Variants in ANKS1B observed in about 807,000 individuals in gnomAD.
ANKS1B encodes ankyrin repeat and sterile alpha motif domain-containing protein 1B.
ANKS1B carries 36 observed loss-of-function variants against 148.3 expected under a neutral mutation model. The observed-to-expected ratio is 0.24, with a 90% CI of 0.19 to 0.32. ANKS1B has a LOEUF of 0.32. ANKS1B is among the 10% of genes least tolerant of loss of function. ANKS1B has a pLI of 1.00. For synonymous variants in ANKS1B, 542 were observed against 560.8 expected (o/e 0.97, Z 0.47); for missense variants, 1,157 against 1,542.6 (o/e 0.75, Z 4.19).
At chr12:99,383,490 TTGACCATATCA>T (rs1444391649) in intron 12 of ANKS1B, among the ~76,000 whole-genome samples, 1 of 152,248 alleles carries the variant, frequency 6.6e-6, no homozygotes, top group Non-Finnish European at 1.5e-5. Context: ...TTTCAGTTCC[TTGACCATATCA>T]TGTTCTCACT....
intron 15 of ANKS1B, among the ~76,000 whole-genome samples, chr12:99,130,555 T>C (rs2065805260): frequency 6.6e-6 from 1 of 152,166 alleles, no homozygotes; most frequent in South Asian, 2.1e-4. Context: ...TATAGCCACA[T>C]CAGCTAATAA....
intron 1 of ANKS1B, among the ~76,000 whole-genome samples, chr12:99,916,207 C>T (rs1034632102): frequency 4.6e-5 from 7 of 152,114 alleles, no homozygotes; most frequent in Non-Finnish European, 4.4e-5. Flanking sequence ...TCCTCTTGAG[C>T]GAAAGAGCTA....
intron 8 of ANKS1B, among the ~76,000 whole-genome samples, chr12:99,698,412 T>C (rs2054259588): frequency 6.6e-6 from 1 of 152,026 alleles, no homozygotes; most frequent in South Asian, 2.1e-4. Context: ...TGCATGTGTG[T>C]TGCACAAGCA....
chr12:99,500,311 G>C (rs972199324), intron 10 of ANKS1B, among the ~76,000 whole-genome samples: 2 of 152,096 alleles, frequency 1.3e-5, no homozygotes, highest in African/African-American at 2.4e-5. Context: ...TTAGTTCTTT[G>C]GGGATGCTTG....
chr12:99,474,810 T>C (rs572492903), intron 10 of ANKS1B, among the ~76,000 whole-genome samples: 1 of 152,126 alleles, frequency 6.6e-6, no homozygotes, highest in South Asian at 2.1e-4. Flanking sequence ...TTGCCATTTG[T>C]TCAACATTGT....
intron 14 of ANKS1B, among the ~76,000 whole-genome samples, chr12:99,179,993 T>C (rs1021399250): frequency 9.9e-5 from 15 of 152,206 alleles, no homozygotes; most frequent in Admixed American, 9.2e-4. Context: ...TTCCTCCTTG[T>C]TATGAGAATG....
At chr12:98,986,081 C>A (rs1264269059) in intron 17 of ANKS1B, among the ~76,000 whole-genome samples, 1 of 152,090 alleles carries the variant, frequency 6.6e-6, no homozygotes, top group Non-Finnish European at 1.5e-5. Flanking sequence ...TTATTTTTAA[C>A]AAGAAGTTTG....
chr12:99,623,755 T>C (rs1043674588), intron 9 of ANKS1B, among the ~76,000 whole-genome samples: 3 of 151,868 alleles, frequency 2.0e-5, no homozygotes, highest in Non-Finnish European at 4.4e-5. Context: ...AAATCATAGA[T>C]GACACAAACA....
At chr12:99,365,413 C>G (rs2092711830) in intron 12 of ANKS1B, among the ~76,000 whole-genome samples, 1 of 152,164 alleles carries the variant, frequency 6.6e-6, no homozygotes, top group South Asian at 2.1e-4. Context: ...CAGGAGGGAT[C>G]CACTAGCCAG....
At chr12:98,884,748 G>A (rs922563587) in intron 17 of ANKS1B, among the ~76,000 whole-genome samples, 3 of 147,684 alleles carry the variant, frequency 2.0e-5, no homozygotes, top group African/African-American at 7.6e-5. Context: ...GCAGTGAGCT[G>A]AGATTGCGCC....
chr12:98,781,674 T>G (rs2098738176), intron 23 of ANKS1B, among the ~76,000 whole-genome samples: 1 of 152,166 alleles, frequency 6.6e-6, no homozygotes, highest in African/African-American at 2.4e-5. Flanking sequence ...CAGATAATGC[T>G]TGGATGTATA....
chr12:98,897,587 G>A (rs749453030), intron 17 of ANKS1B, among the ~76,000 whole-genome samples: 2 of 152,166 alleles, frequency 1.3e-5, no homozygotes, highest in African/African-American at 2.4e-5. Context: ...TGAGGTTGCC[G>A]AGAAAAGGGA....
At chr12:99,576,813 GTA>G (rs1281455067) in intron 9 of ANKS1B, among the ~76,000 whole-genome samples, 1 of 151,802 alleles carries the variant, frequency 6.6e-6, no homozygotes, top group African/African-American at 2.4e-5. Context: ...TGTTACCTAG[GTA>G]TATTGGGTGA....
intron 9 of ANKS1B, among the ~76,000 whole-genome samples, chr12:99,551,536 AGGGGAGGG>A (rs2097218058): frequency 7.8e-4 from 2 of 2,578 alleles, no homozygotes; most frequent in African/African-American, 2.1e-3. Flanking sequence ...AGGAGAGGGG[AGGGGAGGG>A]GAGGGGAGGG....
intron 10 of ANKS1B, among the ~76,000 whole-genome samples, chr12:99,490,665 A>G (rs2096546210): frequency 6.6e-6 from 1 of 152,216 alleles, no homozygotes; most frequent in Non-Finnish European, 1.5e-5. Context: ...TCTATTAGAT[A>G]AAATCTAGAA....
chr12:99,783,690 A>C (rs1344505099), intron 4 of ANKS1B, among the ~76,000 whole-genome samples: 1 of 152,148 alleles, frequency 6.6e-6, no homozygotes, highest in Non-Finnish European at 1.5e-5. Flanking sequence ...GACCCATAGA[A>C]GTAGAGAGTA....
At chr12:99,108,674 A>C (rs2059703039) in intron 15 of ANKS1B, among the ~76,000 whole-genome samples, 1 of 152,214 alleles carries the variant, frequency 6.6e-6, no homozygotes, top group African/African-American at 2.4e-5. Flanking sequence ...AGAACAGATA[A>C]GAAGGTAGGT....
At chr12:98,891,838 A>G (rs547703198) in intron 17 of ANKS1B, among the ~76,000 whole-genome samples, 1 of 152,244 alleles carries the variant, frequency 6.6e-6, no homozygotes, top group South Asian at 2.1e-4. Context: ...CCACAGAAGG[A>G]AAAAAATGGG....
At chr12:99,243,044 G>A (rs1316871019) in intron 14 of ANKS1B, among the ~76,000 whole-genome samples, 1 of 152,094 alleles carries the variant, frequency 6.6e-6, no homozygotes, top group African/African-American at 2.4e-5. Flanking sequence ...TAGACAAATG[G>A]GATCTAATTA....
Sources: allele counts gnomAD v4.1 joint callset (sites outside exome capture counted in the v4.1 genomes callset), GRCh38; gene constraint gnomAD v4.1.1; transcripts MANE v1.5; gene names NCBI Gene and HGNC (gene_info 2026-07-23, HGNC 2026-07-21).